The following TLN2 variants were observed in gnomAD, a reference collection of about 807,000 sequenced individuals.
TLN2 encodes talin-2.
TLN2 carries 118 observed loss-of-function variants against 294.7 expected under a neutral mutation model. The ratio of observed to expected loss-of-function variants is 0.40; its 90% CI spans 0.34 to 0.47. TLN2 has a LOEUF of 0.47. Among genes scored for constraint, TLN2 ranks in the 20% least tolerant of loss-of-function variants. The pLI, the probability that TLN2 is intolerant of heterozygous loss-of-function variation, is 0.84. For missense variants in TLN2, 3,083 were observed against 3,282.2 expected (o/e 0.94, Z 1.48); for synonymous variants, 1,431 against 1,304.5 (o/e 1.10, Z -2.09).
Position 62,737,084 on chromosome 15 carries a change from C to T in TLN2, c.3565C>T (p.Gln1189Ter). The T allele has an allele frequency of 1.2e-6, 2 of 1,614,084 alleles. No homozygotes were observed. Among genetic ancestry groups the T allele is most frequent in the Non-Finnish European group, 1.7e-6 (2 of 1,179,988 alleles). The change falls in exon 29 of 59, where the codon CAG becomes TAG. Residue 1189 changes from glutamine to a stop codon, truncating the protein, a stop_gained and splice_region_variant. Coordinates refer to ENST00000636159, the MANE Select transcript of TLN2 (RefSeq NM_015059.3). LOFTEE classifies it high-confidence loss of function. ...GDAERQQRLA[Q>*]VAKAVSHSLN... ...TGCAGAGCGTCAACAAAGACTGGCT[C>T]AGGTGAGGCTAGGAATGAGAAATTG... is the stretch of plus-strand genomic sequence containing the variant.
chr15:62,681,119 T>C (rs1187016030), intron 11 of TLN2, among the ~76,000 whole-genome samples: 2 of 152,206 alleles, frequency 1.3e-5, no homozygotes, highest in Non-Finnish European at 2.9e-5. Flanking sequence ...CTGGATCAAA[T>C]GGTAGATCTG....
intron 9 of TLN2, among the ~76,000 whole-genome samples, chr15:62,658,416 C>T (rs2140962461): frequency 6.6e-6 from 1 of 152,286 alleles, no homozygotes; most frequent in Middle Eastern, 3.4e-3. Context: ...TAGTTGGGAC[C>T]AGAGTATGCC....
At chr15:62,770,399 C>T (rs184722137) in intron 41 of TLN2, among the ~76,000 whole-genome samples, 68 of 152,248 alleles carry the variant, frequency 4.5e-4, no homozygotes, top group Admixed American at 4.4e-3. Context: ...TGGTTCCTGT[C>T]GGGATAAGCT....
Position 62,482,614 on chromosome 15 carries a change from A to AG in TLN2, c.-238+91929_-238+91930insG, listed in dbSNP as rs1165462344. Among the ~76,000 whole-genome samples, 4 of 151,866 alleles carry AG rather than the reference A, an allele frequency of 2.6e-5. No individual in the cohort carries two copies. The East Asian group carries it at 7.7e-4, about 29-fold the overall frequency. On this transcript the variant is annotated intron_variant, in intron 1 of 58. Coordinates refer to ENST00000636159, the MANE Select transcript of TLN2 (RefSeq NM_015059.3). ...TAAAACGTTGTCTCAAAAAAAAAAA[A>AG]AAAAAAAAAAAGATAGAATTTACAT... is the stretch of plus-strand genomic sequence containing the variant.
At chr15:62,822,177 C>T (rs1486173587) in intron 54 of TLN2, among the ~76,000 whole-genome samples, 4 of 152,166 alleles carry the variant, frequency 2.6e-5, no homozygotes, top group South Asian at 2.1e-4. Context: ...GTTCACTTCA[C>T]GACTCCAGAT....
chr15:62,457,145 G>C (rs191198325), intron 1 of TLN2, among the ~76,000 whole-genome samples: 1 of 152,332 alleles, frequency 6.6e-6, no homozygotes, highest in Non-Finnish European at 1.5e-5. Flanking sequence ...TCACGGTTCT[G>C]GAGGCTGGAA....
chr15:62,576,974 C>A, intron 1 of TLN2, among the ~76,000 whole-genome samples: 1 of 152,086 alleles, frequency 6.6e-6, no homozygotes, highest in East Asian at 1.9e-4. Context: ...CCCATGGTCA[C>A]CTGGCCAGCT....
chr15:62,800,497 G>C lies in TLN2; in HGVS notation c.6360+4G>C. 1 of 1,613,964 alleles carries C rather than the reference G, an allele frequency of 6.2e-7. No homozygotes were observed. The highest frequency in any genetic ancestry group is 8.5e-7 in the Non-Finnish European group (1 of 1,179,942). ...CCAGCTCAAGGGGGCTGCCAAGGTA[G>C]AGTGGGGCTCCGACTGGGGATGAGC... is the stretch of plus-strand genomic sequence containing the variant. On this transcript the variant is annotated splice_donor_region_variant and intron_variant, in intron 49 of 58. Transcript: ENST00000636159.
At chr15:62,614,606 C>CT (rs745351676) in intron 2 of TLN2, among the ~76,000 whole-genome samples, 1 of 152,124 alleles carries the variant, frequency 6.6e-6, no homozygotes, top group Non-Finnish European at 1.5e-5. Context: ...AGGAAGCCAC[C>CT]TTTTTTGACA....
At chr15:62,406,603 G>A (rs2033424276) in intron 1 of TLN2, among the ~76,000 whole-genome samples, 2 of 152,160 alleles carry the variant, frequency 1.3e-5, no homozygotes, top group South Asian at 4.1e-4. Flanking sequence ...CTAGGGAAGG[G>A]TTAGTAACTT....
chr15:62,458,498 C>A (rs947792222), intron 1 of TLN2, among the ~76,000 whole-genome samples: 2 of 151,012 alleles, frequency 1.3e-5, no homozygotes, highest in African/African-American at 2.4e-5. Context: ...CCTGGAGTGT[C>A]TCACAAACCT....
chr15:62,770,385 G>C (rs1386634987), intron 41 of TLN2, among the ~76,000 whole-genome samples: 1 of 152,236 alleles, frequency 6.6e-6, no homozygotes, highest in Non-Finnish European at 1.5e-5. Context: ...CTGTGCGGAG[G>C]CAGTGGTTCC....
Position 62,703,602 on chromosome 15 carries a change from GACAC to G in TLN2, c.2004+755_2004+758del, listed in dbSNP as rs748715423. On this transcript the variant is annotated intron_variant, in intron 19 of 58. Coordinates refer to ENST00000636159, the MANE Select transcript of TLN2 (RefSeq NM_015059.3). ...TAAACATGAAGTTTATGTTTACTTC[GACAC>G]ACACACACACACACACGCGCGCACA... Among the ~76,000 whole-genome samples, 1,217 of 127,690 alleles carry G rather than the reference GACAC, an allele frequency of 9.5e-3. 13 individuals are homozygous for G. The highest frequency in any genetic ancestry group is 0.032 in the African/African-American group (1,087 of 34,172). 83.8% of individuals were successfully genotyped at this position (127,690 alleles called of 152,430 possible).
intron 1 of TLN2, among the ~76,000 whole-genome samples, chr15:62,572,344 G>C (rs966377227): frequency 6.6e-6 from 1 of 152,066 alleles, no homozygotes; most frequent in Non-Finnish European, 1.5e-5. Context: ...GGGAACAAGT[G>C]ATCCTTCCAC....
At chr15:62,467,172 C>T (rs866890011) in intron 1 of TLN2, among the ~76,000 whole-genome samples, 15 of 152,144 alleles carry the variant, frequency 9.9e-5, no homozygotes, top group African/African-American at 1.4e-4. Flanking sequence ...ACCAGGAGGC[C>T]GGAGTCCTGG....
intron 9 of TLN2, among the ~76,000 whole-genome samples, chr15:62,663,620 C>T (rs1024485770): frequency 6.6e-6 from 1 of 151,546 alleles, no homozygotes; most frequent in East Asian, 1.9e-4. Flanking sequence ...AAATAGTATT[C>T]CCATACAAAT....
intron 54 of TLN2, chr15:62,833,194 T>C (rs1375324868): frequency 1.9e-5 from 5 of 269,196 alleles, no homozygotes; most frequent in Admixed American, 1.0e-4. Flanking sequence ...GTTATATATA[T>C]TGTACCACAC....
At chr15:62,798,183 G>A (rs902205695) in intron 48 of TLN2, among the ~76,000 whole-genome samples, 1 of 152,150 alleles carries the variant, frequency 6.6e-6, no homozygotes, top group Admixed American at 6.5e-5. Flanking sequence ...CCAGATGGGG[G>A]TGGGGAAATG....
At chr15:62,592,718 G>A (rs2046180790) in intron 2 of TLN2, among the ~76,000 whole-genome samples, 1 of 152,200 alleles carries the variant, frequency 6.6e-6, no homozygotes, top group African/African-American at 2.4e-5. Context: ...CTTTCACAAG[G>A]CTAAGACATT....
Sources: allele counts gnomAD v4.1 joint callset (sites outside exome capture counted in the v4.1 genomes callset), GRCh38; gene constraint gnomAD v4.1.1; transcripts MANE v1.5; gene names NCBI Gene and HGNC (gene_info 2026-07-23, HGNC 2026-07-21).